Variants in TATDN3 observed in about 807,000 individuals in gnomAD.
TATDN3 encodes the protein TatD DNase domain containing 3.
In TATDN3, 29 loss-of-function variants were observed where a neutral mutation model predicts 40.1. The observed-to-expected ratio is 0.72, with a 90% CI of 0.54 to 0.99. The LOEUF (loss-of-function observed/expected upper bound fraction) is 0.99. TATDN3 is among the 50% of genes least tolerant of loss of function. The pLI is 0.00. For missense variants in TATDN3, 309 were observed against 321.9 expected, an observed-to-expected ratio of 0.96 and a Z score of 0.31; for synonymous variants, 105 against 117.0, an observed-to-expected ratio of 0.90 and a Z score of 0.66.
chr1:212,813,475 T>A lies in TATDN3; in HGVS notation c.681+1147T>A, dbSNP rs572016557. Among the ~76,000 whole-genome samples, 5 of 152,228 alleles carry A rather than the reference T, an allele frequency of 3.3e-5. No homozygotes were observed. In the East Asian group the frequency reaches 9.6e-4, roughly 29 times the overall value. ...TGGGAACAGTAGCAATTATTATCCG[T>A]TTATTCAGAAACTATGATTATATGT... On this transcript the variant is annotated intron_variant, in intron 9 of 9. Transcript: ENST00000366974.
intron 5 of TATDN3, among the ~76,000 whole-genome samples, chr1:212,803,742 A>C (rs1258404305): frequency 7.1e-6 from 1 of 140,978 alleles, no homozygotes; most frequent in African/African-American, 2.5e-5. Flanking sequence ...TACCAAAAAG[A>C]AAAAAAAAAA....
intron 1 of TATDN3, among the ~76,000 whole-genome samples, chr1:212,792,471 T>C (rs1216749437): frequency 2.0e-5 from 1 of 50,976 alleles, no homozygotes; most frequent in Non-Finnish European, 4.2e-5. Context: ...ACCTCGTCCC[T>C]ACAAAAAAAA....
chr1:212,794,746 A>G (rs549557572), intron 1 of TATDN3: 3 of 481,818 alleles, frequency 6.2e-6, no homozygotes, highest in African/African-American at 2.0e-5. Flanking sequence ...GTAGCCACCA[A>G]TGAGAGAGTG....
intron 4 of TATDN3, among the ~76,000 whole-genome samples, chr1:212,799,712 T>A (rs961252291): frequency 6.6e-6 from 1 of 152,118 alleles, no homozygotes; most frequent in African/African-American, 2.4e-5. Context: ...TAATTTTTTG[T>A]ATTTTTAGTA....
At chr1:212,806,865 T>C (rs1353732758) in intron 7 of TATDN3, among the ~76,000 whole-genome samples, 2 of 93,724 alleles carry the variant, frequency 2.1e-5, no homozygotes, top group African/African-American at 4.9e-5. Flanking sequence ...CATATGTATA[T>C]ACACATATAT....
intron 8 of TATDN3, among the ~76,000 whole-genome samples, chr1:212,810,200 C>A (rs1217600270): frequency 6.6e-6 from 1 of 151,756 alleles, no homozygotes; most frequent in African/African-American, 2.4e-5. Context: ...CCTGTCTCTA[C>A]AAAACATATA....
At chr1:212,806,783 T>TATATATAC (rs796710955) in intron 7 of TATDN3, among the ~76,000 whole-genome samples, 1,013 of 79,484 alleles carry the variant, frequency 0.013, 186 homozygotes, top group Admixed American at 0.059. Context: ...TATATATATA[T>TATATATAC]ACACACACAC....
chr1:212,799,644 T>A (rs1662046953), intron 4 of TATDN3, among the ~76,000 whole-genome samples: 1 of 152,054 alleles, frequency 6.6e-6, no homozygotes, highest in Non-Finnish European at 1.5e-5. Flanking sequence ...TTCAAGTGAT[T>A]CTCGTGCCTC....
In TATDN3 at chr1:212,816,683, A is replaced by G. The variant is rs1244189575; in HGVS notation, c.*1527A>G. On this transcript the variant is annotated 3_prime_UTR_variant, in exon 10 of 10. Coordinates refer to ENST00000366974, the MANE Select transcript of TATDN3 (RefSeq NM_001042552.3). ...AAATGAATTCATTTATGGAAGAATC[A>G]AAACTAGGTCAGATTGTCCAAACCA... 1 of 152,236 alleles carries G rather than the reference A, an allele frequency of 6.6e-6. No individual in the cohort carries two copies. Among genetic ancestry groups the G allele is most frequent in the Non-Finnish European group, 1.5e-5 (1 of 68,042 alleles). 9.4% of individuals were successfully genotyped at this position (152,236 alleles called of 1,614,324 possible).
chr1:212,809,608 C>T lies in TATDN3; in HGVS notation c.600+1760C>T, dbSNP rs1014730325. ...CTGAGGCAGGAGAATGGCGTGAACC[C>T]GGGGGGGCAGAGCCTGCAGTGAGCC... On this transcript the variant is annotated intron_variant, in intron 8 of 9. Coordinates refer to ENST00000366974, the MANE Select transcript of TATDN3 (RefSeq NM_001042552.3). 6.6e-5 allele frequency among the ~76,000 whole-genome samples: 10 copies of T among 150,874 alleles called. No homozygotes were observed. The South Asian group carries it at 1.5e-3, about 22-fold the overall frequency.
In TATDN3 at chr1:212,802,758, G is replaced by A. The variant is rs1662245464; in HGVS notation, c.316G>A (p.Gly106Arg). The A allele has an allele frequency of 6.2e-7, 1 of 1,607,968 alleles. No homozygotes were observed. Among genetic ancestry groups the A allele is most frequent in the African/African-American group, 1.3e-5 (1 of 74,788 alleles). The change falls in exon 5 of 10, where the codon GGA becomes AGA. Residue 106 changes from glycine (G) to arginine (R), a missense_variant. Gly to Arg is a moderately radical substitution (Grantham distance 125). Transcript: ENST00000366974. ...TTATAAGGATCGGTTGTTGGCAATT[G>A]GAGAGGTAAACACCCACTAACTGAT... Reference protein sequence around the residue: ...ENYKDRLLAIGEVGLDFSPRF... With the variant: ...ENYKDRLLAIREVGLDFSPRF...
At position 212,815,396 on chromosome 1, in the gene TATDN3, T is replaced by C. The variant is rs1663128605; in HGVS notation, c.*240T>C. 4.8e-6 allele frequency: 2 copies of C among 420,578 alleles called. No individual in the cohort carries two copies. Among genetic ancestry groups the C allele is most frequent in the Non-Finnish European group, 8.4e-6 (2 of 238,956 alleles). The allele number at this position is 420,578 out of a possible 1,614,324, so 26.1% of individuals were successfully genotyped here. On this transcript the variant is annotated 3_prime_UTR_variant, in exon 10 of 10. Coordinates refer to ENST00000366974, the MANE Select transcript of TATDN3 (RefSeq NM_001042552.3). ...GAGTTCTGGCAGGATATTGGGAAAA[T>C]ACTGCTACTTCTTACATTGCCCTTT...
chr1:212,794,298 T>C (rs534522413), intron 1 of TATDN3, among the ~76,000 whole-genome samples: 26 of 143,078 alleles, frequency 1.8e-4, no homozygotes, highest in African/African-American at 5.1e-4. Flanking sequence ...AAAAAAAAAA[T>C]TGGGGACTCA....
intron 5 of TATDN3, among the ~76,000 whole-genome samples, chr1:212,803,968 A>G (rs1662311943): frequency 6.6e-6 from 1 of 152,118 alleles, no homozygotes; most frequent in South Asian, 2.1e-4. Context: ...CCCAGGAGGC[A>G]GAGGTTGAAG....
chr1:212,805,559 A>G (rs1188379971), intron 7 of TATDN3, among the ~76,000 whole-genome samples: 1 of 152,216 alleles, frequency 6.6e-6, no homozygotes, highest in Non-Finnish European at 1.5e-5. Flanking sequence ...CCTGGCCAGC[A>G]GCTCCAGTTT....
rs891955645 is a variant in TATDN3, at chr1:212,805,846, A to G, written c.487+1195A>G. 2.6e-5 allele frequency among the ~76,000 whole-genome samples: 4 copies of G among 152,214 alleles called. No homozygotes were observed. The South Asian group carries it at 8.3e-4, about 32-fold the overall frequency. ...AGAAATATAGTTTATTTTGAGACTC[A>G]TATTTACATAAAGAAAGCTAACAAA... On this transcript the variant is annotated intron_variant, in intron 7 of 9. Coordinates refer to ENST00000366974, the MANE Select transcript of TATDN3 (RefSeq NM_001042552.3).
chr1:212,800,675 C>G (rs903951238), intron 4 of TATDN3, among the ~76,000 whole-genome samples: 1 of 152,044 alleles, frequency 6.6e-6, no homozygotes, highest in African/African-American at 2.4e-5. Context: ...TTCCTTCTTT[C>G]ATTCATTCCC....
In TATDN3 at chr1:212,816,525, A is replaced by C. The variant is rs560119253; in HGVS notation, c.*1369A>C. On this transcript the variant is annotated 3_prime_UTR_variant, in exon 10 of 10. Coordinates refer to ENST00000366974, the MANE Select transcript of TATDN3 (RefSeq NM_001042552.3). ...TATATGTAGTTTAACAGGTGTGGTC[A>C]ATATCAAAACTTAGGTATTTAATCT... 1.1e-4 allele frequency: 16 copies of C among 152,352 alleles called. No individual in the cohort carries two copies. The highest frequency in any genetic ancestry group is 8.5e-4 in the Admixed American group (13 of 15,300). 9.4% of individuals were successfully genotyped at this position (152,352 alleles called of 1,614,324 possible).
chr1:212,810,185 G>A (rs537089895), intron 8 of TATDN3, among the ~76,000 whole-genome samples: 22 of 151,942 alleles, frequency 1.4e-4, no homozygotes, highest in African/African-American at 1.7e-4. Flanking sequence ...GCAATATGGC[G>A]AAACCCTGTC....
Sources: gnomAD v4.1 joint callset for allele counts (sites outside exome capture counted in the v4.1 genomes callset) on GRCh38, gnomAD v4.1.1 for gene constraint, MANE v1.5 for transcripts, NCBI Gene and HGNC (gene_info 2026-07-23, HGNC 2026-07-21) for gene names.